Variants in SPATA21 observed in about 807,000 individuals in gnomAD.
SPATA21 encodes the protein spermatogenesis associated 21, also known as spermatogenesis-associated protein 21.
Under a neutral mutation model 54.8 loss-of-function variants are expected in SPATA21, and 47 were observed. That is an observed-to-expected ratio of 0.86 (90% CI 0.68 to 1.09). SPATA21 has a LOEUF of 1.09. Among genes scored for constraint, SPATA21 ranks in the 50% least tolerant of loss-of-function variants. The pLI, the probability that SPATA21 is intolerant of heterozygous loss-of-function variation, is 0.00. For synonymous variants in SPATA21, 245 were observed against 235.3 expected, an observed-to-expected ratio of 1.04 and a Z score of -0.38; for missense variants, 599 against 596.4, an observed-to-expected ratio of 1.00 and a Z score of -0.05.
chr1:16,401,470 A>G (rs560467625), intron 10 of SPATA21, among the ~76,000 whole-genome samples: 138 of 152,040 alleles, frequency 9.1e-4, no homozygotes, highest in African/African-American at 3.1e-3. Flanking sequence ...TGATTTTTTT[A>G]TTTTGTGTAG....
intron 5 of SPATA21, among the ~76,000 whole-genome samples, chr1:16,412,898 T>C (rs2994138): frequency 1 from 151,963 of 152,358 alleles, 75,785 homozygotes; most frequent in Middle Eastern, 1. Flanking sequence ...ATTCCCCTGC[T>C]TCAGCCTCCT....
intron 11 of SPATA21, chr1:16,400,407 G>A (rs61769433): frequency 0.12 from 120,556 of 1,045,374 alleles, 7,632 homozygotes; most frequent in Non-Finnish European, 0.13. Context: ...AGCACAGTGG[G>A]CACTCAATAA....
At chr1:16,403,943 C>T in intron 9 of SPATA21, 25 bp downstream of exon 9, 1 of 1,606,952 alleles carries the variant, frequency 6.2e-7, no homozygotes, top group Non-Finnish European at 8.5e-7. Context: ...CCAGTTCTGA[C>T]TACGCTGGGC....
Position 16,409,710 on chromosome 1 carries a change from T to C in SPATA21, c.478A>G (p.Thr160Ala). The change falls in exon 6 of 13, where the codon ACC becomes GCC. Residue 160 changes from threonine to alanine, a missense_variant. By Grantham distance (58) the Thr-to-Ala change is moderately conservative. Transcript: ENST00000335496. The surrounding 1 kb of genome is among the most constrained non-coding windows in gnomAD (Gnocchi z 4.1). ...EPAPMGAPVPTSMPCPVLLGP... is the reference protein window; with the variant it reads ...EPAPMGAPVPASMPCPVLLGP... ...AGCAGGACAGGGCAAGGCATGGAGG[T>C]GGGGACCGGGGCTCCCATGGGGGCA... 6.2e-7 allele frequency: 1 copy of C among 1,612,436 alleles called. No individual in the cohort carries two copies. The highest frequency in any genetic ancestry group is 8.5e-7 in the Non-Finnish European group (1 of 1,179,732).
intron 3 of SPATA21, chr1:16,427,939 G>A: frequency 6.5e-7 from 1 of 1,550,284 alleles, no homozygotes; most frequent in African/African-American, 1.4e-5. Flanking sequence ...TCTGAGTCTG[G>A]GCCCCTTCTC....
At chr1:16,402,101 T>G (rs531539627) in intron 10 of SPATA21, among the ~76,000 whole-genome samples, 1 of 152,190 alleles carries the variant, frequency 6.6e-6, no homozygotes, top group East Asian at 1.9e-4. Flanking sequence ...GGCCTGAGCC[T>G]CTTGCTTCCT....
chr1:16,414,917 CTA>C (rs2085956974), intron 5 of SPATA21, among the ~76,000 whole-genome samples: 1 of 68,052 alleles, frequency 1.5e-5, no homozygotes, highest in African/African-American at 5.7e-5. Context: ...AAAAAAGATT[CTA>C]GTTGAGTATT....
At chr1:16,417,501 C>T (rs2086045633) in intron 5 of SPATA21, among the ~76,000 whole-genome samples, 1 of 149,598 alleles carries the variant, frequency 6.7e-6, no homozygotes, top group Non-Finnish European at 1.5e-5. Flanking sequence ...TGCGATGGCA[C>T]GATCTTGGCT....
At position 16,421,409 on chromosome 1, in the gene SPATA21, G is replaced by T; in HGVS notation, c.144+100C>A. 8.2e-7 allele frequency: 1 copy of T among 1,223,532 alleles called. No individual in the cohort carries two copies. The highest frequency in any genetic ancestry group is 1.1e-6 in the Non-Finnish European group (1 of 878,124). The allele number at this position is 1,223,532 out of a possible 1,614,324, so 75.8% of individuals were successfully genotyped here. ...TTCCTTGGTTTGACTCCAAATAGGG[G>T]TTTGACGTGCCACATCCGCTTCTGC... On this transcript the variant is annotated intron_variant, in intron 5 of 12. Coordinates refer to ENST00000335496, the MANE Select transcript of SPATA21 (RefSeq NM_198546.1). This position sits in a 1 kb window ranked among gnomAD's most constrained non-coding sequence, Gnocchi z 5.2.
intron 5 of SPATA21, among the ~76,000 whole-genome samples, chr1:16,420,308 G>A (rs917715788): frequency 6.6e-6 from 1 of 151,996 alleles, no homozygotes; most frequent in African/African-American, 2.4e-5. Context: ...AAAGACAAGC[G>A]GAGGAGGTGA....
intron 10 of SPATA21, among the ~76,000 whole-genome samples, chr1:16,401,919 T>C (rs1008451557): frequency 9.2e-5 from 14 of 152,192 alleles, no homozygotes; most frequent in African/African-American, 2.2e-4. Flanking sequence ...TTCTAAGTGA[T>C]TGGAAAAGAG....
intron 1 of SPATA21, 59 bp downstream of exon 1, chr1:16,437,069 T>G (rs2086604510): frequency 6.6e-6 from 1 of 152,144 alleles, no homozygotes; most frequent in Non-Finnish European, 1.5e-5. Context: ...CATATATATG[T>G]CTGGAGGCCG....
At chr1:16,400,392 G>C in intron 11 of SPATA21, 4 of 975,346 alleles carry the variant, frequency 4.1e-6, no homozygotes, top group South Asian at 9.2e-5. Flanking sequence ...ATCTGCAAAG[G>C]GCCTAGCACA....
intron 7 of SPATA21, among the ~76,000 whole-genome samples, chr1:16,405,506 A>C (rs929796500): frequency 8.0e-5 from 12 of 150,020 alleles, no homozygotes; most frequent in East Asian, 1.9e-4. Context: ...AAAAAAAAAA[A>C]AAAAAAAAAC....
At chr1:16,427,922 A>T in intron 3 of SPATA21, 1 of 1,550,084 alleles carries the variant, frequency 6.5e-7, no homozygotes, top group African/African-American at 1.4e-5. Context: ...CCCTTCTCAA[A>T]TGCATCTCTG....
intron 5 of SPATA21, among the ~76,000 whole-genome samples, chr1:16,415,988 T>C (rs2085995238): frequency 1.3e-5 from 2 of 152,144 alleles, no homozygotes; most frequent in South Asian, 4.1e-4. Flanking sequence ...CACACCTGGA[T>C]TCCTCCTTCT....
chr1:16,432,116 T>TC (rs201347435), intron 2 of SPATA21, among the ~76,000 whole-genome samples: 204 of 64,886 alleles, frequency 3.1e-3, no homozygotes, highest in African/African-American at 7.6e-3. Flanking sequence ...TTCTTCTTCT[T>TC]TTTTTTTTTT....
intron 10 of SPATA21, among the ~76,000 whole-genome samples, chr1:16,402,249 C>CTTTTTTTTTTTT (rs869032281): frequency 1.8e-5 from 1 of 55,946 alleles, no homozygotes; most frequent in Non-Finnish European, 2.9e-5. Context: ...AGCTGCCATT[C>CTTTTTTTTTTTT]TTTTTTTTTT....
chr1:16,402,694 T>C (rs1372436103), intron 10 of SPATA21, among the ~76,000 whole-genome samples: 1 of 152,002 alleles, frequency 6.6e-6, no homozygotes, highest in Non-Finnish European at 1.5e-5. Context: ...GTAGCTAGAC[T>C]ACAGGCACAC....
Sources: allele counts gnomAD v4.1 joint callset (sites outside exome capture counted in the v4.1 genomes callset), GRCh38; gene constraint gnomAD v4.1.1; non-coding constraint Gnocchi (gnomAD v3.1); transcripts MANE v1.5; gene names NCBI Gene and HGNC (gene_info 2026-07-23, HGNC 2026-07-21).